Variants in FLT1 observed in about 807,000 individuals in gnomAD.
The protein encoded by FLT1 is fms related receptor tyrosine kinase 1, also known as vascular endothelial growth factor receptor 1.
A neutral mutation model predicts 156.3 loss-of-function variants in FLT1; 49 were observed. The observed-to-expected ratio is 0.31, with a 90% CI of 0.25 to 0.40. The LOEUF (loss-of-function observed/expected upper bound fraction) is 0.40, where lower values mean the gene tolerates loss of function less well. Ranked by LOEUF, FLT1 falls within the 10% of genes least tolerant of loss-of-function variation. The probability of loss-of-function intolerance (pLI) is 1.00; values close to 1 mark genes in which losing one functional copy is unlikely to be tolerated. For synonymous variants in FLT1, 594 were observed against 583.8 expected, an observed-to-expected ratio of 1.02 and a Z score of -0.25; for missense variants, 1,322 against 1,637.2, an observed-to-expected ratio of 0.81 and a Z score of 3.32.
chr13:28,387,050 C>G, intron 13 of FLT1: 1 of 1,037,518 alleles, frequency 9.6e-7, no homozygotes, highest in Non-Finnish European at 1.2e-6. Flanking sequence ...GACTCCCTGA[C>G]AGGTGGATTG....
At chr13:28,446,059 A>C (rs1439013366) in intron 3 of FLT1, among the ~76,000 whole-genome samples, 1 of 152,238 alleles carries the variant, frequency 6.6e-6, no homozygotes, top group Non-Finnish European at 1.5e-5. Context: ...CAAAACCCAC[A>C]TGACTATCTT....
chr13:28,320,224 C>T (rs946552352), intron 23 of FLT1, among the ~76,000 whole-genome samples: 12 of 152,102 alleles, frequency 7.9e-5, no homozygotes, highest in African/African-American at 1.9e-4. Context: ...CAGATACAGA[C>T]GAACAGAAAG....
In FLT1 at chr13:28,427,295, C is replaced by T. The variant is rs1877405368; in HGVS notation, c.1300G>A (p.Ala434Thr). The change falls in exon 10 of 30, where the codon GCC (alanine) becomes ACC (threonine). Residue 434 changes from alanine to threonine, a missense_variant. Ala to Thr is a moderately conservative substitution (Grantham distance 58). Coordinates refer to ENST00000282397, the MANE Select transcript of FLT1 (RefSeq NM_002019.4). Reference protein sequence around the residue: ...VNVKPQIYEKAVSSFPDPALY... With the variant: ...VNVKPQIYEKTVSSFPDPALY... Reference sequence around the variant, plus strand: ...GCCGGGTCTGGAAACGATGACACGGCCTTTTCGTAAATCTGGGGTTTCACT... The same window carrying T: ...GCCGGGTCTGGAAACGATGACACGGTCTTTTCGTAAATCTGGGGTTTCACT... The T allele has an allele frequency of 1.2e-6, 2 of 1,613,788 alleles. No individual in the cohort carries two copies. The highest frequency in any genetic ancestry group is 1.7e-5 in the Admixed American group (1 of 59,976).
In FLT1 at chr13:28,406,768, G is replaced by A. The variant is rs149142615; in HGVS notation, c.1437-874C>T. Among the ~76,000 whole-genome samples the A allele has an allele frequency of 3.6e-3, 543 of 152,252 alleles. 2 individuals carry two copies. The highest frequency in any genetic ancestry group is 5.6e-3 in the Admixed American group (85 of 15,294). ...TCAAGCAATCCTGCCGCTTCAGCCT[G>A]TAGCTGGGATTATAGGCTAAGTGAA... On this transcript the variant is annotated intron_variant, in intron 10 of 29. Transcript: ENST00000282397.
intron 15 of FLT1, among the ~76,000 whole-genome samples, chr13:28,348,401 T>G (rs542212513): frequency 8.5e-5 from 13 of 152,196 alleles, no homozygotes; most frequent in Non-Finnish European, 1.9e-4. Context: ...CCTGCTGTCC[T>G]CCCACTTGCT....
chr13:28,340,293 T>G (rs540828664), intron 16 of FLT1, among the ~76,000 whole-genome samples: 58 of 152,180 alleles, frequency 3.8e-4, no homozygotes, highest in Non-Finnish European at 7.5e-4. Context: ...ACATTCTGAC[T>G]TCATTTGTCC....
chr13:28,316,107 G>A (rs1871190657), intron 25 of FLT1, among the ~76,000 whole-genome samples: 1 of 152,094 alleles, frequency 6.6e-6, no homozygotes, highest in Non-Finnish European at 1.5e-5. Flanking sequence ...CTTTTCTGAT[G>A]AGGACACCAC....
At chr13:28,422,992 A>T (rs904985951) in intron 10 of FLT1, among the ~76,000 whole-genome samples, 1 of 152,138 alleles carries the variant, frequency 6.6e-6, no homozygotes, top group Admixed American at 6.5e-5. Flanking sequence ...TCTTATCTAA[A>T]TAGTATCTCC....
chr13:28,385,310 C>T (rs1874294272), intron 13 of FLT1, among the ~76,000 whole-genome samples: 1 of 152,088 alleles, frequency 6.6e-6, no homozygotes, highest in Non-Finnish European at 1.5e-5. Context: ...AGTTTCCTTC[C>T]TTTTTTTGAG....
chr13:28,429,730 A>G (rs1237463825), intron 8 of FLT1, among the ~76,000 whole-genome samples: 3 of 152,194 alleles, frequency 2.0e-5, no homozygotes, highest in African/African-American at 7.2e-5. Context: ...AATGCTTCCT[A>G]GTCATTGCTC....
At chr13:28,321,104 A>G (rs993327348) in intron 23 of FLT1, among the ~76,000 whole-genome samples, 1 of 152,172 alleles carries the variant, frequency 6.6e-6, no homozygotes, top group Non-Finnish European at 1.5e-5. Flanking sequence ...TTTGAGGGAA[A>G]GAGTCCAGGC....
At chr13:28,317,459 G>C (rs562161341) in intron 25 of FLT1, 39 bp downstream of exon 25, 3 of 1,282,166 alleles carry the variant, frequency 2.3e-6, no homozygotes, top group East Asian at 2.3e-5. Flanking sequence ...GGTGAAAAGC[G>C]AGCTGTCAGA....
chr13:28,460,829 C>CACACAT (rs1325672581), intron 3 of FLT1, among the ~76,000 whole-genome samples: 1 of 151,004 alleles, frequency 6.6e-6, no homozygotes, highest in African/African-American at 2.4e-5. Context: ...CACACACACA[C>CACACAT]GCACGTATGT....
At chr13:28,321,915 T>A (rs1399763190) in intron 22 of FLT1, among the ~76,000 whole-genome samples, 1 of 152,256 alleles carries the variant, frequency 6.6e-6, no homozygotes, top group African/African-American at 2.4e-5. Flanking sequence ...TGCAGTTTTG[T>A]GGGAGGGCCC....
intron 13 of FLT1, chr13:28,389,071 C>T (rs964672946): frequency 6.6e-5 from 70 of 1,064,046 alleles, no homozygotes; most frequent in Non-Finnish European, 7.6e-5. Context: ...CCTTTACTAT[C>T]TCTGAATTAC....
rs1386389386 is a variant in FLT1 at position 28,458,345 on chromosome 13, C to T, written c.388+8558G>A. On this transcript the variant is annotated intron_variant, in intron 3 of 29. Transcript: ENST00000282397. ...ATTTTTGAGTACTTATATAGTTCTA[C>T]TAAATGCCTGATGATGTATAACTGC... Among the ~76,000 whole-genome samples, 8 of 152,306 alleles carry T rather than the reference C, an allele frequency of 5.3e-5. No individual in the cohort carries two copies. In the South Asian group the frequency reaches 1.4e-3, roughly 28 times the overall value.
At chr13:28,438,491 T>C (rs1593793505) in intron 3 of FLT1, 146 bp from the exon 4 acceptor site, 1 of 692,516 alleles carries the variant, frequency 1.4e-6, no homozygotes, top group East Asian at 2.7e-5. Flanking sequence ...TCTTTGTCTC[T>C]GAATTTGGCC....
chr13:28,347,987 C>T (rs1872620043), intron 15 of FLT1, among the ~76,000 whole-genome samples: 1 of 152,218 alleles, frequency 6.6e-6, no homozygotes, highest in South Asian at 2.1e-4. Flanking sequence ...TCTGATCCTT[C>T]CAGCCTTTAC....
chr13:28,430,543 C>A (rs909947662), intron 7 of FLT1, among the ~76,000 whole-genome samples: 4 of 152,086 alleles, frequency 2.6e-5, no homozygotes, highest in African/African-American at 9.7e-5. Context: ...AATTTGATAT[C>A]AAAAATCAAC....
Sources: allele counts gnomAD v4.1 joint callset (sites outside exome capture counted in the v4.1 genomes callset), GRCh38; gene constraint gnomAD v4.1.1; transcripts MANE v1.5; gene names NCBI Gene and HGNC (gene_info 2026-07-23, HGNC 2026-07-21).